The following LRRC4C variants were observed in gnomAD, a reference collection of about 807,000 sequenced individuals.
The protein encoded by LRRC4C is leucine-rich repeat-containing protein 4C.
Under a neutral mutation model 33.6 loss-of-function variants are expected in LRRC4C, and 5 were observed. The ratio of observed to expected loss-of-function variants is 0.15; its 90% confidence interval spans 0.08 to 0.31. The LOEUF (loss-of-function observed/expected upper bound fraction) is 0.31. Ranked by LOEUF, LRRC4C falls within the 10% of genes least tolerant of loss-of-function variation. LRRC4C has a pLI of 1.00. For synonymous variants in LRRC4C, 329 were observed against 302.0 expected (o/e 1.09, Z -0.93); for missense variants, 560 against 796.7 (o/e 0.70, Z 3.58).
intron 2 of LRRC4C, among the ~76,000 whole-genome samples, chr11:40,711,150 G>C (rs550426607): frequency 6.6e-6 from 1 of 152,174 alleles, no homozygotes; most frequent in Non-Finnish European, 1.5e-5. Context: ...TTCGCTTCCC[G>C]GGTGAAGTGA....
At chr11:40,781,044 A>G (rs983041829) in intron 2 of LRRC4C, among the ~76,000 whole-genome samples, 4 of 152,256 alleles carry the variant, frequency 2.6e-5, no homozygotes, top group Middle Eastern at 3.4e-3. Flanking sequence ...GTGTACTTTC[A>G]CATATCTAGA....
At chr11:40,568,233 C>G (rs1298652689) in intron 3 of LRRC4C, among the ~76,000 whole-genome samples, 1 of 152,202 alleles carries the variant, frequency 6.6e-6, no homozygotes, top group Non-Finnish European at 1.5e-5. Context: ...GCTGTGAGAA[C>G]CCCTTTGGAG....
At chr11:40,906,669 A>G (rs940183390) in intron 2 of LRRC4C, among the ~76,000 whole-genome samples, 8 of 151,558 alleles carry the variant, frequency 5.3e-5, no homozygotes, top group Non-Finnish European at 1.0e-4. Context: ...CTGAACCTCC[A>G]ATATGTCTGA....
intron 5 of LRRC4C, among the ~76,000 whole-genome samples, chr11:40,144,270 T>C (rs1857567834): frequency 6.6e-6 from 1 of 152,222 alleles, no homozygotes; most frequent in Non-Finnish European, 1.5e-5. Flanking sequence ...TTGAATTATA[T>C]GTATTTTTCT....
intron 2 of LRRC4C, among the ~76,000 whole-genome samples, chr11:40,858,016 A>AGGAAGGGACGGGAAG: frequency 7.2e-6 from 1 of 139,226 alleles, no homozygotes; most frequent in East Asian, 2.1e-4. Flanking sequence ...GGACAAGGAA[A>AGGAAGGGACGGGAAG]GGAAGGGAAG....
rs117261381 is a variant in LRRC4C, at chr11:41,205,679, A to C, written c.-496+253752T>G. On this transcript the variant is annotated intron_variant, in intron 1 of 6. Transcript: ENST00000528697. ...AACAAACAAACAACAAACAAAAAAA[A>C]CTTATAATAACCTTCAGGAATTCCT... Among the ~76,000 whole-genome samples, 1,072 of 152,278 alleles carry C rather than the reference A, an allele frequency of 7.0e-3. 7 individuals carry two copies. Among genetic ancestry groups the C allele is most frequent in the Middle Eastern group, 0.014 (4 of 294 alleles).
At chr11:40,860,041 G>A (rs987595781) in intron 2 of LRRC4C, among the ~76,000 whole-genome samples, 5 of 151,902 alleles carry the variant, frequency 3.3e-5, no homozygotes, top group Non-Finnish European at 5.9e-5. Context: ...AGCCGAGATT[G>A]TGCCACTGCA....
intron 1 of LRRC4C, among the ~76,000 whole-genome samples, chr11:41,357,743 T>A (rs887409145): frequency 6.6e-6 from 1 of 152,094 alleles, no homozygotes; most frequent in Non-Finnish European, 1.5e-5. Context: ...AACAAAACCA[T>A]AACTTTATAG....
At chr11:40,432,240 T>G (rs2137865126) in intron 3 of LRRC4C, among the ~76,000 whole-genome samples, 1 of 152,222 alleles carries the variant, frequency 6.6e-6, no homozygotes, top group African/African-American at 2.4e-5. Flanking sequence ...TGCCCAAGAC[T>G]TCTCCTTTTA....
chr11:40,716,942 A>C (rs1257146458), intron 2 of LRRC4C, among the ~76,000 whole-genome samples: 1 of 152,100 alleles, frequency 6.6e-6, no homozygotes, highest in East Asian at 1.9e-4. Flanking sequence ...GAGCTGCCAC[A>C]CTTGAAGGTT....
intron 2 of LRRC4C, among the ~76,000 whole-genome samples, chr11:40,869,535 T>C (rs547190338): frequency 1.3e-5 from 2 of 152,090 alleles, no homozygotes; most frequent in South Asian, 4.2e-4. Flanking sequence ...GTTGGGTGAG[T>C]GGGCTCAAGC....
intron 1 of LRRC4C, among the ~76,000 whole-genome samples, chr11:41,259,876 A>G (rs1384484291): frequency 3.3e-5 from 5 of 152,158 alleles, no homozygotes; most frequent in Admixed American, 2.0e-4. Context: ...AAAGACTGTT[A>G]GTTAATTATA....
Position 40,389,469 on chromosome 11 carries a change from C to CAAAA in LRRC4C, c.-269-69752_-269-69749dup, listed in dbSNP as rs781592054. Among the ~76,000 whole-genome samples, 5 of 60,188 alleles carry CAAAA rather than the reference C, an allele frequency of 8.3e-5. 1 individual carries two copies. The highest frequency in any genetic ancestry group is 1.9e-4 in the African/African-American group (5 of 26,010). The allele number at this position is 60,188 out of a possible 152,430, so 39.5% of individuals were successfully genotyped here. Reference sequence around the variant, plus strand: ...CTTCTAAATAATCTCATGTATGTCTCAAAAAAAAAAATAATCAAAAAACCA... The same window carrying CAAAA: ...CTTCTAAATAATCTCATGTATGTCTCAAAAAAAAAAAAAAATAATCAAAAAACCA... On this transcript the variant is annotated intron_variant, in intron 3 of 6. Transcript: ENST00000528697.
At chr11:40,794,617 T>C (rs1230386642) in intron 2 of LRRC4C, among the ~76,000 whole-genome samples, 1 of 152,086 alleles carries the variant, frequency 6.6e-6, no homozygotes, top group African/African-American at 2.4e-5. Context: ...AATAAATAGG[T>C]TTCTATCCTG....
Position 40,114,245 on chromosome 11 carries a change from T to G in LRRC4C, c.*125A>C. On this transcript the variant is annotated 3_prime_UTR_variant, in exon 7 of 7. Coordinates refer to ENST00000528697, the MANE Select transcript of LRRC4C (RefSeq NM_001258419.2). ...ATAGAATTTTTAATAAATAAATTTC[T>G]TTTCTTTTTTGTTTTTTTGTAAAGA... 1 of 1,084,300 alleles carries G rather than the reference T, an allele frequency of 9.2e-7. No homozygotes were observed. Among genetic ancestry groups the G allele is most frequent in the Non-Finnish European group, 1.3e-6 (1 of 788,866 alleles). 67.2% of individuals were successfully genotyped at this position (1,084,300 alleles called of 1,614,324 possible). A position where few individuals can be genotyped will look rare whatever the true frequency, so the allele number is the denominator to read the frequency against.
chr11:40,291,684 C>A (rs1338261358), intron 4 of LRRC4C, among the ~76,000 whole-genome samples: 3 of 152,154 alleles, frequency 2.0e-5, no homozygotes, highest in Non-Finnish European at 4.4e-5. Context: ...CACCCTTTCT[C>A]CCTCCACCCA....
chr11:40,990,238 T>C (rs1258504707), intron 1 of LRRC4C, among the ~76,000 whole-genome samples: 21 of 66,816 alleles, frequency 3.1e-4, no homozygotes, highest in African/African-American at 1.4e-3. Context: ...GTTTTATATA[T>C]ATATATATAT....
chr11:41,365,893 A>C (rs1357724694), intron 1 of LRRC4C, among the ~76,000 whole-genome samples: 5 of 152,214 alleles, frequency 3.3e-5, no homozygotes, highest in African/African-American at 1.2e-4. Flanking sequence ...CCATTTATTC[A>C]TCATGTGACC....
intron 3 of LRRC4C, among the ~76,000 whole-genome samples, chr11:40,437,057 A>G (rs1466952355): frequency 3.9e-5 from 6 of 152,080 alleles, no homozygotes; most frequent in African/African-American, 9.7e-5. Flanking sequence ...CTTTTTTATT[A>G]TATTTTTTGT....
Sources: gnomAD v4.1 joint callset for allele counts (sites outside exome capture counted in the v4.1 genomes callset) on GRCh38, gnomAD v4.1.1 for gene constraint, MANE v1.5 for transcripts, NCBI Gene and HGNC (gene_info 2026-07-23, HGNC 2026-07-21) for gene names.